The following CLN8 variants were observed in gnomAD, a reference collection of about 807,000 sequenced individuals.
CLN8 encodes CLN8 transmembrane ER and ERGIC protein.
Under a neutral mutation model 15.7 loss-of-function variants are expected in CLN8, and 14 were observed. The observed-to-expected ratio is 0.89, with a 90% CI of 0.59 to 1.39. The LOEUF (loss-of-function observed/expected upper bound fraction) is 1.39. Among genes scored for constraint, CLN8 ranks in the 40% most tolerant of loss-of-function variants. The probability of loss-of-function intolerance (pLI) is 0.00; values close to 1 mark genes in which losing one functional copy is unlikely to be tolerated. For missense variants in CLN8, 415 were observed against 364.0 expected (o/e 1.14, Z -1.14); for synonymous variants, 188 against 151.0 (o/e 1.25, Z -1.80).
intron 1 of CLN8, among the ~76,000 whole-genome samples, chr8:1,757,220 G>C (rs1800691911): frequency 1.3e-5 from 2 of 152,144 alleles, no homozygotes; most frequent in African/African-American, 4.8e-5. Context: ...ATTGCCGTGG[G>C]GCTGCCCTGG....
At chr8:1,773,638 C>G (rs1487892100) in intron 2 of CLN8, 1 of 152,342 alleles carries the variant, frequency 6.6e-6, no homozygotes, top group Non-Finnish European at 1.5e-5. Flanking sequence ...GCGTTATTTC[C>G]ATAAGAGTGC....
At chr8:1,757,215 C>T (rs368249340) in intron 1 of CLN8, among the ~76,000 whole-genome samples, 178 of 152,242 alleles carry the variant, frequency 1.2e-3, no homozygotes, top group African/African-American at 4.0e-3. Context: ...GGGCCATTGC[C>T]GTGGGGCTGC....
intron 1 of CLN8, among the ~76,000 whole-genome samples, chr8:1,766,390 G>GT (rs5888909): frequency 0.011 from 1,205 of 109,476 alleles, 23 homozygotes; most frequent in African/African-American, 0.031. Context: ...CCAGTTTTTT[G>GT]TTTTTTTTTT....
At position 1,781,607 on chromosome 8, in the gene CLN8, G is replaced by C. The variant is rs770805593; in HGVS notation, c.*1040G>C. ...ATTATTCATACTGTGTTGCTCATTT[G>C]ACAAAATAAGGTAAGGATTTCATAA... On this transcript the variant is annotated 3_prime_UTR_variant, in exon 3 of 3. Coordinates refer to ENST00000331222, the MANE Select transcript of CLN8 (RefSeq NM_018941.4). 2 of 151,542 alleles carry C rather than the reference G, an allele frequency of 1.3e-5. No individual in the cohort carries two copies. The highest frequency in any genetic ancestry group is 2.9e-5 in the Non-Finnish European group (2 of 67,956). The allele number at this position is 151,542 out of a possible 1,614,324, so 9.4% of individuals were successfully genotyped here. A position where few individuals can be genotyped will look rare whatever the true frequency, so the allele number is the denominator to read the frequency against.
intron 2 of CLN8, among the ~76,000 whole-genome samples, chr8:1,774,075 G>T (rs535199528): frequency 6.6e-6 from 1 of 152,242 alleles, no homozygotes; most frequent in African/African-American, 2.4e-5. Context: ...GGGGAAAGCA[G>T]TGTTGGATTT....
Position 1,780,236 on chromosome 8 carries a change from T to C in CLN8, c.544-14T>C. The C allele has an allele frequency of 6.2e-7, 1 of 1,614,298 alleles. No homozygotes were observed. The highest frequency in any genetic ancestry group is 8.5e-7 in the Non-Finnish European group (1 of 1,180,052). ...TTTCGCATTGACTTGTGCATTTGTCTTCTCTCCATGCAGGCGGGCTGGTCC... is the reference window on the plus strand; with the variant it reads ...TTTCGCATTGACTTGTGCATTTGTCCTCTCTCCATGCAGGCGGGCTGGTCC... On this transcript the variant is annotated splice_polypyrimidine_tract_variant and intron_variant, in intron 2 of 2. Transcript: ENST00000331222.
intron 1 of CLN8, chr8:1,765,056 C>G (rs1290615611): frequency 6.6e-6 from 1 of 152,186 alleles, no homozygotes; most frequent in Non-Finnish European, 1.5e-5. Context: ...CACTTCTGTG[C>G]CTCACTTTCA....
At chr8:1,761,470 G>A (rs190731536), upstream of CLN8, among the ~76,000 whole-genome samples, 15 of 152,260 alleles carry the variant, frequency 9.9e-5, no homozygotes, top group South Asian at 2.1e-4. Context: ...CATTACAGGC[G>A]TGCACCACCA....
upstream of CLN8, among the ~76,000 whole-genome samples, chr8:1,753,407 C>G (rs773244774): frequency 6.6e-6 from 1 of 151,800 alleles, no homozygotes; most frequent in Non-Finnish European, 1.5e-5. Flanking sequence ...CCCATCTCTA[C>G]TAAAAATACA....
chr8:1,757,808 A>C (rs1286964511), intron 1 of CLN8, among the ~76,000 whole-genome samples: 2 of 152,108 alleles, frequency 1.3e-5, no homozygotes, highest in Non-Finnish European at 2.9e-5. Flanking sequence ...ATGGGGATTT[A>C]AGGCTTCTTT....
At chr8:1,759,067 G>A (rs933000349), upstream of CLN8, 4 of 152,200 alleles carry the variant, frequency 2.6e-5, no homozygotes, top group African/African-American at 9.7e-5. Flanking sequence ...ACTAGAGTCA[G>A]GTTGGAATGT....
At chr8:1,753,994 G>C (rs926786150), upstream of CLN8, among the ~76,000 whole-genome samples, 2 of 152,186 alleles carry the variant, frequency 1.3e-5, no homozygotes, top group African/African-American at 4.8e-5. Flanking sequence ...AAAGCAAAAG[G>C]ATAAGCTGTG....
chr8:1,753,312 T>C (rs1233846113), upstream of CLN8, among the ~76,000 whole-genome samples: 2 of 71,088 alleles, frequency 2.8e-5, no homozygotes, highest in East Asian at 4.8e-4. Context: ...GGCTCATGCC[T>C]GTAATCCCAG....
Position 1,780,579 on chromosome 8 carries a change from G to C in CLN8, c.*12G>C, listed in dbSNP as rs562114538. Reference sequence around the variant, plus strand: ...AGAAGAGGCCATAGCTGCTCCAGCCGGGGCTCCGGGGCGGCAGCAGAGCTG... The same window carrying C: ...AGAAGAGGCCATAGCTGCTCCAGCCCGGGCTCCGGGGCGGCAGCAGAGCTG... On this transcript the variant is annotated 3_prime_UTR_variant, in exon 3 of 3. Coordinates refer to ENST00000331222, the MANE Select transcript of CLN8 (RefSeq NM_018941.4). The C allele has an allele frequency of 6.2e-7, 1 of 1,610,616 alleles. No homozygotes were observed. Among genetic ancestry groups the C allele is most frequent in the Admixed American group, 1.7e-5 (1 of 59,988 alleles).
At chr8:1,767,050 C>T (rs960836783) in intron 1 of CLN8, among the ~76,000 whole-genome samples, 16 of 152,312 alleles carry the variant, frequency 1.1e-4, no homozygotes, top group East Asian at 3.9e-4. Context: ...GAAGACTGGG[C>T]GCTTGGGCTG....
chr8:1,786,378 C>G lies in CLN8; in HGVS notation c.*5811C>G. ...TGCATGTTGACGCTTTCAGTTCACCCCTTTCTTTGCTAACTTTCTTCCTAT... is the reference window on the plus strand; with the variant it reads ...TGCATGTTGACGCTTTCAGTTCACCGCTTTCTTTGCTAACTTTCTTCCTAT... On this transcript the variant is annotated 3_prime_UTR_variant, in exon 3 of 3. Coordinates refer to ENST00000331222, the MANE Select transcript of CLN8 (RefSeq NM_018941.4). The G allele has an allele frequency of 6.6e-6, 1 of 152,230 alleles. No homozygotes were observed. The highest frequency in any genetic ancestry group is 6.5e-5 in the Admixed American group (1 of 15,290). The allele number at this position is 152,230 out of a possible 1,614,324, so 9.4% of individuals were successfully genotyped here.
chr8:1,759,822 C>T (rs1168060402), upstream of CLN8: 1 of 152,228 alleles, frequency 6.6e-6, no homozygotes, highest in Non-Finnish European at 1.5e-5. Flanking sequence ...TACTATTGCT[C>T]ACTGGTGAAG....
intron 2 of CLN8, among the ~76,000 whole-genome samples, chr8:1,777,253 T>C (rs1325512886): frequency 6.6e-6 from 1 of 152,042 alleles, no homozygotes; most frequent in Admixed American, 6.6e-5. Flanking sequence ...ATAGTAAAAA[T>C]ACCATGTTAA....
At chr8:1,766,241 G>A (rs981989500) in intron 1 of CLN8, among the ~76,000 whole-genome samples, 2 of 152,152 alleles carry the variant, frequency 1.3e-5, no homozygotes, top group Admixed American at 6.5e-5. Context: ...GATCTGCAGC[G>A]TCAAGAGATG....
Sources: allele counts gnomAD v4.1 joint callset (sites outside exome capture counted in the v4.1 genomes callset), GRCh38; gene constraint gnomAD v4.1.1; transcripts MANE v1.5; gene names NCBI Gene and HGNC (gene_info 2026-07-23, HGNC 2026-07-21).